TSPAN15: variants seen among roughly 807,000 people sequenced by gnomAD.
TSPAN15 encodes the protein tetraspanin-15.
In TSPAN15, 20 loss-of-function variants were observed where a neutral mutation model predicts 34.5. The observed-to-expected ratio is 0.58, with a 90% CI of 0.41 to 0.84. The LOEUF is 0.84. Among genes scored for constraint, TSPAN15 ranks in the 40% least tolerant of loss-of-function variants. The pLI is 0.00. For synonymous variants in TSPAN15, 155 were observed against 153.9 expected (o/e 1.01, Z -0.05); for missense variants, 313 against 386.1 (o/e 0.81, Z 1.59).
At chr10:69,522,213 T>A in the TSPAN15 span, among the ~76,000 whole-genome samples, 1 of 145,208 alleles carries the variant, frequency 6.9e-6, no homozygotes, top group Non-Finnish European at 1.5e-5. Flanking sequence ...ACAAAAAAAA[T>A]TAGCTGGGTG....
At chr10:69,468,077 G>C (rs1841426495) in intron 1 of TSPAN15, among the ~76,000 whole-genome samples, 1 of 152,136 alleles carries the variant, frequency 6.6e-6, no homozygotes, top group Non-Finnish European at 1.5e-5. Flanking sequence ...GGAAAGGCTT[G>C]CCTGGAAAAC....
intron 2 of TSPAN15, among the ~76,000 whole-genome samples, chr10:69,484,653 C>G (rs1485916624): frequency 6.6e-6 from 1 of 152,192 alleles, no homozygotes; most frequent in Non-Finnish European, 1.5e-5. Context: ...AATGCCTGCT[C>G]TCTAGTAAAG....
the TSPAN15 span, among the ~76,000 whole-genome samples, chr10:69,544,895 C>T: frequency 6.6e-6 from 1 of 152,190 alleles, no homozygotes; most frequent in Non-Finnish European, 1.5e-5. Context: ...AGCAAATCGG[C>T]CTTCAAAAGC....
the TSPAN15 span, among the ~76,000 whole-genome samples, chr10:69,544,329 T>C: frequency 6.6e-6 from 1 of 152,186 alleles, no homozygotes; most frequent in Non-Finnish European, 1.5e-5. Context: ...AGAAATACAA[T>C]TCAAATAGCC....
chr10:69,504,556 T>C, intron 6 of TSPAN15, 71 bp downstream of exon 6: 1 of 1,515,442 alleles, frequency 6.6e-7, no homozygotes, highest in Non-Finnish European at 9.1e-7. Flanking sequence ...ATCGGAGGGG[T>C]TTATTGAGGT....
chr10:69,462,091 C>A (rs755344487), intron 1 of TSPAN15, among the ~76,000 whole-genome samples: 3 of 151,838 alleles, frequency 2.0e-5, no homozygotes, highest in Non-Finnish European at 4.4e-5. Flanking sequence ...AGTGATCCTC[C>A]CACCTCAGCC....
chr10:69,501,320 G>C (rs1459081998), intron 5 of TSPAN15, among the ~76,000 whole-genome samples: 1 of 152,198 alleles, frequency 6.6e-6, no homozygotes, highest in African/African-American at 2.4e-5. Context: ...CTGAATGAGA[G>C]CACTGAGGTA....
intron 4 of TSPAN15, among the ~76,000 whole-genome samples, chr10:69,497,449 G>A (rs1057370864): frequency 6.6e-6 from 1 of 152,180 alleles, no homozygotes; most frequent in South Asian, 2.1e-4. Context: ...TGGGGCCTTT[G>A]CATGGGTCGT....
the TSPAN15 span, among the ~76,000 whole-genome samples, chr10:69,539,617 G>A: frequency 2.6e-5 from 4 of 152,072 alleles, no homozygotes; most frequent in East Asian, 7.7e-4. Flanking sequence ...AAAGGAAAAG[G>A]AAAAGGAACA....
chr10:69,498,897 G>A (rs1305725886), intron 5 of TSPAN15, among the ~76,000 whole-genome samples: 1 of 152,146 alleles, frequency 6.6e-6, no homozygotes, highest in Non-Finnish European at 1.5e-5. Flanking sequence ...AGCTTAGCGG[G>A]GGTAGCTGGC....
the TSPAN15 span, among the ~76,000 whole-genome samples, chr10:69,532,971 A>G: frequency 6.6e-6 from 1 of 152,252 alleles, no homozygotes; most frequent in African/African-American, 2.4e-5. Context: ...TCAAATTGCA[A>G]TGCGTTACCA....
At chr10:69,465,837 G>A (rs77427307) in intron 1 of TSPAN15, among the ~76,000 whole-genome samples, 2,478 of 145,672 alleles carry the variant, frequency 0.017, 66 homozygotes, top group African/African-American at 0.059. Context: ...ACATGTTCTA[G>A]GCATGAGGGC....
At chr10:69,544,540 G>A in the TSPAN15 span, among the ~76,000 whole-genome samples, 1 of 152,240 alleles carries the variant, frequency 6.6e-6, no homozygotes, top group African/African-American at 2.4e-5. Context: ...ATGCCTCCAG[G>A]TCTTCCACAC....
At chr10:69,539,419 GAAGAAGAAAGAAGAAGAAGA>G in the TSPAN15 span, among the ~76,000 whole-genome samples, 252 of 141,978 alleles carry the variant, frequency 1.8e-3, 4 homozygotes, top group Middle Eastern at 3.5e-3. Context: ...GGAAGAGGAA[GAAGAAGAAAGAAGAAGAAGA>G]AGGAAGAAGA....
At chr10:69,508,167 G>A (rs1842375631), downstream of TSPAN15, among the ~76,000 whole-genome samples, 1 of 152,102 alleles carries the variant, frequency 6.6e-6, no homozygotes, top group South Asian at 2.1e-4. Context: ...CAAGAGGCCG[G>A]GCATGGTGGC....
the TSPAN15 span, among the ~76,000 whole-genome samples, chr10:69,544,112 C>G: frequency 3.3e-5 from 5 of 151,962 alleles, no homozygotes; most frequent in African/African-American, 1.2e-4. Flanking sequence ...CAGAAGAGGC[C>G]CCAGCCCTAT....
rs537628019 is a variant in TSPAN15 at position 69,476,997 on chromosome 10, T to C, written c.97-6694T>C. 1.6e-3 allele frequency among the ~76,000 whole-genome samples: 239 copies of C among 152,178 alleles called. 1 individual carries two copies. Among genetic ancestry groups the C allele is most frequent in the African/African-American group, 5.5e-3 (229 of 41,526 alleles). ...CCTCCTATCCTTGGTCTGTTTTGCT[T>C]TCCTTACAGGAAAGGGGAGTGGGAC... On this transcript the variant is annotated intron_variant, in intron 1 of 7. Coordinates refer to ENST00000373290, the MANE Select transcript of TSPAN15 (RefSeq NM_012339.5).
intron 1 of TSPAN15, among the ~76,000 whole-genome samples, chr10:69,461,019 A>G (rs1382583006): frequency 1.3e-5 from 2 of 152,158 alleles, no homozygotes; most frequent in Non-Finnish European, 2.9e-5. Context: ...TGTGCTGCCC[A>G]CAGGGGTGAG....
At chr10:69,464,542 C>T (rs1468936228) in intron 1 of TSPAN15, among the ~76,000 whole-genome samples, 5 of 152,186 alleles carry the variant, frequency 3.3e-5, no homozygotes, top group East Asian at 1.9e-4. Flanking sequence ...AAGGTGGATG[C>T]GAGCTAGCTC....
Sources: gnomAD v4.1 joint callset for allele counts (sites outside exome capture counted in the v4.1 genomes callset) on GRCh38, gnomAD v4.1.1 for gene constraint, MANE v1.5 for transcripts, NCBI Gene and HGNC (gene_info 2026-07-23, HGNC 2026-07-21) for gene names.